Variants in PDE7A observed in about 807,000 individuals in gnomAD.
PDE7A encodes phosphodiesterase 7A.
A neutral mutation model predicts 64.3 loss-of-function variants in PDE7A; 39 were observed. That is an observed-to-expected ratio of 0.61 (90% CI 0.47 to 0.79). The LOEUF (loss-of-function observed/expected upper bound fraction) is 0.79. PDE7A is among the 30% of genes least tolerant of loss of function. The probability of loss-of-function intolerance (pLI) is 0.00; values close to 1 mark genes in which losing one functional copy is unlikely to be tolerated. For synonymous variants in PDE7A, 203 were observed against 206.8 expected, an observed-to-expected ratio of 0.98 and a Z score of 0.16; for missense variants, 470 against 582.8, an observed-to-expected ratio of 0.81 and a Z score of 1.99.
rs192428375 is a variant in PDE7A at position 65,836,916 on chromosome 8, C to G, written c.138+4455G>C. On this transcript the variant is annotated intron_variant, in intron 1 of 12. Transcript: ENST00000401827. ...GTGGGCCATCCTCCTTCCTCCTCCCCCTACATTCACCCATTTGTCTAGAAA... is the reference window on the plus strand; with the variant it reads ...GTGGGCCATCCTCCTTCCTCCTCCCGCTACATTCACCCATTTGTCTAGAAA... 7.2e-5 allele frequency among the ~76,000 whole-genome samples: 11 copies of G among 152,320 alleles called. No individual in the cohort carries two copies. The East Asian group carries it at 2.1e-3, about 29-fold the overall frequency.
chr8:65,753,117 A>G (rs1018728448), intron 3 of PDE7A, among the ~76,000 whole-genome samples: 4 of 152,168 alleles, frequency 2.6e-5, no homozygotes, highest in African/African-American at 9.7e-5. Context: ...CATCAGTTCT[A>G]TGGCAGCACT....
chr8:65,735,994 C>G (rs1422768065), intron 6 of PDE7A, among the ~76,000 whole-genome samples: 1 of 152,080 alleles, frequency 6.6e-6, no homozygotes. Flanking sequence ...TGTTCCAAGA[C>G]CCCCAGTGGA....
chr8:65,759,001 A>G (rs1808366526), intron 3 of PDE7A, among the ~76,000 whole-genome samples: 1 of 152,114 alleles, frequency 6.6e-6, no homozygotes, highest in South Asian at 2.1e-4. Context: ...TGTGTCTGAG[A>G]GGGGGCAAAA....
intron 1 of PDE7A, among the ~76,000 whole-genome samples, chr8:65,817,792 G>A (rs1330083332): frequency 3.6e-5 from 5 of 138,948 alleles, no homozygotes; most frequent in Admixed American, 3.1e-4. Context: ...TCACTCTGTC[G>A]CCCAGGCTGG....
chr8:65,738,945 G>T (rs1434263231), intron 6 of PDE7A, among the ~76,000 whole-genome samples: 2 of 152,196 alleles, frequency 1.3e-5, no homozygotes, highest in Non-Finnish European at 2.9e-5. Context: ...CTGTGGCTCT[G>T]TGACTTTGCA....
intron 7 of PDE7A, 35 bp from the exon 8 acceptor site, chr8:65,727,336 A>G (rs1219571855): frequency 3.1e-6 from 5 of 1,611,020 alleles, no homozygotes; most frequent in African/African-American, 1.3e-5. Flanking sequence ...AATCACAGAT[A>G]TATCTAAAAT....
Position 65,841,994 on chromosome 8 carries a change from G to A in PDE7A, c.-486C>T, listed in dbSNP as rs1451273954. On this transcript the variant is annotated 5_prime_UTR_variant, in exon 1 of 13. Transcript: ENST00000401827. ...CGCCGCCGCCGCCGCCGCCGCCGCC[G>A]GAGTCCTGCTCCTCCCCTCCCCCGG... The A allele has an allele frequency of 7.7e-6, 2 of 258,278 alleles. No homozygotes were observed. Among genetic ancestry groups the A allele is most frequent in the South Asian group, 3.8e-5 (1 of 26,618 alleles). The allele number at this position is 258,278 out of a possible 1,614,324, so 16.0% of individuals were successfully genotyped here.
Position 65,739,597 on chromosome 8 carries a change from C to T in PDE7A, c.500G>A (p.Gly167Glu), listed in dbSNP as rs1807315469. The T allele has an allele frequency of 6.6e-7, 1 of 1,508,752 alleles. No homozygotes were observed. Among genetic ancestry groups the T allele is most frequent in the African/African-American group, 1.4e-5 (1 of 69,726 alleles). The allele number at this position is 1,508,752 out of a possible 1,614,324, so 93.5% of individuals were successfully genotyped here. The change falls in exon 6 of 13, where the codon GGA (glycine) becomes GAA (glutamate). Residue 167 changes from glycine (G) to glutamate (E), a missense_variant and splice_region_variant. Gly to Glu is a moderately conservative substitution (Grantham distance 98). Transcript: ENST00000401827. ...AAAGGTTAAGCTTACTAGACTATTT[C>T]CTAAAAAGAAAGAAGAGACATTACA... ...DIFLFDRLTN[G>E]NSLVSLTFHL... is the part of the protein sequence containing the mutation.
chr8:65,753,981 A>G (rs761892818), intron 3 of PDE7A, among the ~76,000 whole-genome samples: 5 of 152,058 alleles, frequency 3.3e-5, no homozygotes, highest in Non-Finnish European at 7.3e-5. Context: ...ATGTTATATT[A>G]GGGTTCTCTA....
chr8:65,811,536 G>C (rs1810260367), intron 1 of PDE7A, among the ~76,000 whole-genome samples: 1 of 152,198 alleles, frequency 6.6e-6, no homozygotes, highest in Non-Finnish European at 1.5e-5. Context: ...CAGAGAGCAA[G>C]ATGAAGAGTA....
At chr8:65,764,738 T>C (rs1249426771) in intron 3 of PDE7A, among the ~76,000 whole-genome samples, 1 of 151,564 alleles carries the variant, frequency 6.6e-6, no homozygotes, top group East Asian at 1.9e-4. Context: ...CAACTAAGTA[T>C]GAAACAAATA....
chr8:65,719,521 T>C (rs191262062), intron 12 of PDE7A, 26 bp from the exon 13 acceptor site: 4 of 1,418,578 alleles, frequency 2.8e-6, no homozygotes, highest in Admixed American at 1.7e-5. Context: ...GAAAAAGTTA[T>C]TAACATATAT....
intron 1 of PDE7A, among the ~76,000 whole-genome samples, chr8:65,813,262 G>A (rs531251325): frequency 2.6e-5 from 4 of 152,124 alleles, no homozygotes; most frequent in Admixed American, 6.6e-5. Flanking sequence ...ATTAGCATAG[G>A]AATGTAAATA....
chr8:65,782,512 T>C (rs981774543), intron 2 of PDE7A, among the ~76,000 whole-genome samples: 11 of 152,194 alleles, frequency 7.2e-5, no homozygotes, highest in African/African-American at 2.7e-4. Context: ...CTATTTTCTA[T>C]GAAGAATGTT....
intron 3 of PDE7A, among the ~76,000 whole-genome samples, chr8:65,755,412 T>A (rs553925709): frequency 6.6e-6 from 1 of 152,342 alleles, no homozygotes; most frequent in Non-Finnish European, 1.5e-5. Flanking sequence ...TGTGTATTTT[T>A]AAATTTACTT....
intron 3 of PDE7A, among the ~76,000 whole-genome samples, chr8:65,768,390 T>C (rs1441260289): frequency 6.6e-6 from 1 of 152,098 alleles, no homozygotes; most frequent in Non-Finnish European, 1.5e-5. Flanking sequence ...ATGGGGGTGC[T>C]AATTCTCATG....
intron 1 of PDE7A, among the ~76,000 whole-genome samples, chr8:65,815,092 A>C (rs1428123357): frequency 6.6e-6 from 1 of 152,160 alleles, no homozygotes; most frequent in Admixed American, 6.5e-5. Context: ...AAAAAAAAAA[A>C]AATTAATTTT....
In PDE7A at chr8:65,739,969, C is replaced by G. The variant is rs112754344; in HGVS notation, c.500-372G>C. 9.8e-3 allele frequency among the ~76,000 whole-genome samples: 1,495 copies of G among 152,288 alleles called. 11 individuals are homozygous for G. The highest frequency in any genetic ancestry group is 0.02 in the South Asian group (96 of 4,824). ...CCTGACCTCCCTCCTGACATTGCCT[C>G]TGCCATCTTGCTTTCACTGAAACTG... is the stretch of plus-strand genomic sequence containing the variant. On this transcript the variant is annotated intron_variant, in intron 5 of 12. Transcript: ENST00000401827.
chr8:65,771,884 C>CAAAAAA (rs36101490), intron 3 of PDE7A, among the ~76,000 whole-genome samples: 21 of 55,518 alleles, frequency 3.8e-4, no homozygotes, highest in Admixed American at 7.3e-4. Flanking sequence ...CTCCATCTCT[C>CAAAAAA]AAAAAAAAAA....
Sources: allele counts gnomAD v4.1 joint callset (sites outside exome capture counted in the v4.1 genomes callset), GRCh38; gene constraint gnomAD v4.1.1; transcripts MANE v1.5; gene names NCBI Gene and HGNC (gene_info 2026-07-23, HGNC 2026-07-21).